Variants in COG5 observed in about 807,000 individuals in gnomAD.
The protein encoded by COG5 is component of oligomeric golgi complex 5, also known as conserved oligomeric Golgi complex subunit 5.
A neutral mutation model predicts 110.4 loss-of-function variants in COG5; 86 were observed. That is an observed-to-expected ratio of 0.78 (90% CI 0.65 to 0.93). The LOEUF is 0.93. Ranked by LOEUF, COG5 falls within the 40% of genes least tolerant of loss-of-function variation. The pLI is 0.00. For missense variants in COG5, 1,077 were observed against 987.0 expected (o/e 1.09, Z -1.22); for synonymous variants, 360 against 334.6 (o/e 1.08, Z -0.83).
intron 6 of COG5, among the ~76,000 whole-genome samples, chr7:107,470,718 G>C (rs1399116496): frequency 6.6e-6 from 1 of 151,982 alleles, no homozygotes; most frequent in African/African-American, 2.4e-5. Flanking sequence ...AATGTAATCA[G>C]TACAGTTTTT....
chr7:107,410,443 C>T (rs1467222988), intron 7 of COG5, among the ~76,000 whole-genome samples: 2 of 151,834 alleles, frequency 1.3e-5, no homozygotes, highest in Non-Finnish European at 2.9e-5. Flanking sequence ...CTGATGGGTT[C>T]ATTTTGTTTT....
chr7:107,371,736 T>C (rs1221829807), intron 8 of COG5, among the ~76,000 whole-genome samples: 1 of 152,134 alleles, frequency 6.6e-6, no homozygotes, highest in Non-Finnish European at 1.5e-5. Context: ...ATAACACAAC[T>C]ATATGTGAAG....
At chr7:107,442,505 A>T (rs1283800924) in intron 6 of COG5, among the ~76,000 whole-genome samples, 3 of 149,900 alleles carry the variant, frequency 2.0e-5, no homozygotes, top group Non-Finnish European at 4.4e-5. Context: ...TTTTTTTTTT[A>T]AATACTTATG....
chr7:107,537,938 A>G (rs1362477858), intron 5 of COG5, among the ~76,000 whole-genome samples: 2 of 152,206 alleles, frequency 1.3e-5, no homozygotes, highest in Admixed American at 1.3e-4. Flanking sequence ...TTAGGCAGAC[A>G]ATAAGGGCAA....
At chr7:107,540,559 C>A (rs1801904722) in intron 5 of COG5, among the ~76,000 whole-genome samples, 1 of 149,590 alleles carries the variant, frequency 6.7e-6, no homozygotes, top group African/African-American at 2.5e-5. Flanking sequence ...GCCCAAGTGA[C>A]AGGGCAAGGC....
chr7:107,498,150 T>A (rs1203312729), intron 6 of COG5, among the ~76,000 whole-genome samples: 2 of 152,194 alleles, frequency 1.3e-5, no homozygotes, highest in East Asian at 3.8e-4. Flanking sequence ...GCTTAATGAT[T>A]TAGCCGTTAG....
intron 14 of COG5, among the ~76,000 whole-genome samples, chr7:107,278,715 G>C (rs1381072928): frequency 6.6e-6 from 1 of 152,060 alleles, no homozygotes; most frequent in Non-Finnish European, 1.5e-5. Flanking sequence ...AAATGGTGTT[G>C]GGAAAACTGG....
At chr7:107,339,401 T>C (rs1177365743) in intron 10 of COG5, among the ~76,000 whole-genome samples, 2 of 152,000 alleles carry the variant, frequency 1.3e-5, no homozygotes, top group Non-Finnish European at 2.9e-5. Flanking sequence ...GCAAAACATA[T>C]ATAGACAGCC....
intron 6 of COG5, among the ~76,000 whole-genome samples, chr7:107,513,270 T>TTA (rs1247316666): frequency 2.0e-5 from 3 of 152,036 alleles, no homozygotes; most frequent in Admixed American, 2.0e-4. Context: ...AAGAAGACAT[T>TTA]TATGCAGCCA....
intron 12 of COG5, among the ~76,000 whole-genome samples, chr7:107,290,369 T>C (rs1806060620): frequency 6.6e-6 from 1 of 152,234 alleles, no homozygotes; most frequent in African/African-American, 2.4e-5. Flanking sequence ...ATCCTTAACC[T>C]GTGCAAAATA....
At chr7:107,258,174 A>G in intron 15 of COG5, 99 bp downstream of exon 15, 4 of 726,308 alleles carry the variant, frequency 5.5e-6, no homozygotes, top group Non-Finnish European at 9.7e-6. Flanking sequence ...TTTTCATTGT[A>G]TTCTTTTCCA....
At chr7:107,304,658 C>T (rs142190233) in intron 11 of COG5, among the ~76,000 whole-genome samples, 1 of 152,298 alleles carries the variant, frequency 6.6e-6, no homozygotes, top group East Asian at 1.9e-4. Context: ...TTGTCTTAGT[C>T]TTGACTAGCT....
intron 12 of COG5, among the ~76,000 whole-genome samples, chr7:107,297,818 T>C (rs1806889791): frequency 6.6e-6 from 1 of 152,142 alleles, no homozygotes; most frequent in African/African-American, 2.4e-5. Context: ...TAAATGATAC[T>C]GTCTGAGGTA....
At chr7:107,205,499 A>G (rs1798703939) in intron 21 of COG5, among the ~76,000 whole-genome samples, 1 of 152,192 alleles carries the variant, frequency 6.6e-6, no homozygotes, top group Admixed American at 6.5e-5. Flanking sequence ...CCACCTAGGG[A>G]AAGATCAAGG....
intron 6 of COG5, among the ~76,000 whole-genome samples, chr7:107,456,640 A>T (rs1795683756): frequency 6.6e-6 from 1 of 152,208 alleles, no homozygotes; most frequent in Non-Finnish European, 1.5e-5. Flanking sequence ...CTAAGCAGAG[A>T]AACAGTACCA....
At chr7:107,251,039 C>T (rs1384748741) in intron 16 of COG5, among the ~76,000 whole-genome samples, 3 of 146,340 alleles carry the variant, frequency 2.1e-5, no homozygotes, top group Admixed American at 7.1e-5. Context: ...GGAAAATCAG[C>T]AGATCCCAAA....
intron 6 of COG5, among the ~76,000 whole-genome samples, chr7:107,483,363 T>C (rs1325905764): frequency 6.6e-6 from 1 of 152,160 alleles, no homozygotes; most frequent in Non-Finnish European, 1.5e-5. Flanking sequence ...CACAACTTAT[T>C]GAAAATGAGC....
intron 11 of COG5, among the ~76,000 whole-genome samples, chr7:107,307,902 T>A (rs117955931): frequency 0.021 from 3,207 of 152,178 alleles, 59 homozygotes; most frequent in South Asian, 0.036. Flanking sequence ...ACCCTACAAA[T>A]TATTGAAATA....
intron 6 of COG5, among the ~76,000 whole-genome samples, chr7:107,511,380 C>A (rs943247599): frequency 1.2e-4 from 18 of 152,054 alleles, no homozygotes; most frequent in Non-Finnish European, 4.4e-5. Context: ...CAATAACAGA[C>A]TCTGAAATTG....
Sources: allele counts gnomAD v4.1 joint callset (sites outside exome capture counted in the v4.1 genomes callset), GRCh38; gene constraint gnomAD v4.1.1; transcripts MANE v1.5; gene names NCBI Gene and HGNC (gene_info 2026-07-23, HGNC 2026-07-21).